Variants in SPAG4 observed in about 807,000 individuals in gnomAD.
SPAG4 encodes sperm-associated antigen 4 protein.
SPAG4 carries 54 observed loss-of-function variants against 53.9 expected under a neutral mutation model. That is an observed-to-expected ratio of 1.00 (90% confidence interval 0.80 to 1.26). The LOEUF (loss-of-function observed/expected upper bound fraction) is 1.26, where lower values mean the gene tolerates loss of function less well. Among genes scored for constraint, SPAG4 ranks in the 50% most tolerant of loss-of-function variants. The probability of loss-of-function intolerance (pLI) is 0.00; values close to 1 mark genes in which losing one functional copy is unlikely to be tolerated. For missense variants in SPAG4, 548 were observed against 568.6 expected (o/e 0.96, Z 0.37); for synonymous variants, 246 against 237.4 (o/e 1.04, Z -0.33).
At position 35,616,047 on chromosome 20, in the gene SPAG4, A is replaced by G. The variant is rs897575743; in HGVS notation, c.44A>G (p.Lys15Arg). ...SRPGSASSSR[K>R]HTPNFFSENS... The stretch of plus-strand genomic sequence containing the variant: ...CCGGGCTCGGCCTCGTCCTCGCGCA[A>G]GCACACGCCCAACTTTTTCAGCGAG... The change falls in exon 1 of 12, where the codon AAG (lysine) becomes AGG (arginine). Residue 15 changes from lysine to arginine, a missense_variant. By Grantham distance (26) the Lys-to-Arg change is conservative. Coordinates refer to ENST00000374273, the MANE Select transcript of SPAG4 (RefSeq NM_003116.3). The G allele has an allele frequency of 1.9e-6, 3 of 1,612,080 alleles. No homozygotes were observed. The highest frequency in any genetic ancestry group is 3.3e-5 in the Admixed American group (2 of 59,978).
Position 35,619,577 on chromosome 20 carries a change from A to C in SPAG4, c.910-2A>C, listed in dbSNP as rs2031506576. The C allele has an allele frequency of 6.2e-7, 1 of 1,611,742 alleles. No homozygotes were observed. The stretch of plus-strand genomic sequence containing the variant: ...TCCGATGGTCCCTCCGCCCGCCTGC[A>C]GCCCCACGTGTTCCCTGGGAATTGC... On this transcript the variant is annotated splice_acceptor_variant, in intron 9 of 11. Coordinates refer to ENST00000374273, the MANE Select transcript of SPAG4 (RefSeq NM_003116.3). LOFTEE classifies it high-confidence loss of function.
chr20:35,617,606 G>A lies in SPAG4; in HGVS notation c.476+20G>A. The A allele has an allele frequency of 6.2e-7, 1 of 1,608,974 alleles. No individual in the cohort carries two copies. The highest frequency in any genetic ancestry group is 2.2e-5 in the East Asian group (1 of 44,774). ...GTACAGGTCAGAGGAAGGGACGCTG[G>A]CGCCCCAGGAACAGCTCTTTGGAGG... On this transcript the variant is annotated intron_variant, in intron 3 of 11. Transcript: ENST00000374273.
intron 3 of SPAG4, 60 bp from the exon 4 acceptor site, chr20:35,617,719 C>T (rs920777994): frequency 5.1e-5 from 81 of 1,582,014 alleles, no homozygotes; most frequent in Non-Finnish European, 6.6e-5. Flanking sequence ...GTCTAGGACC[C>T]TGGGGTGGGG....
At chr20:35,616,748 G>C (rs2031398730) in intron 1 of SPAG4, 1 of 228,592 alleles carries the variant, frequency 4.4e-6, no homozygotes, top group African/African-American at 2.3e-5. Flanking sequence ...TCCCGCCTCA[G>C]CCTCCCGAGT....
intron 9 of SPAG4, 54 bp downstream of exon 9, chr20:35,619,364 A>G: frequency 6.5e-7 from 1 of 1,538,398 alleles, no homozygotes; most frequent in Non-Finnish European, 9.0e-7. Context: ...TGGGAAAAGC[A>G]CCAAAACCCC....
intron 5 of SPAG4, 75 bp downstream of exon 5, chr20:35,618,205 T>A: frequency 6.9e-7 from 1 of 1,448,340 alleles, no homozygotes; most frequent in South Asian, 1.2e-5. Context: ...TCCCCTGGAC[T>A]GTCGGTCTGC....
In SPAG4 at chr20:35,615,897, C is replaced by T. The variant is rs2031353189; in HGVS notation, c.-107C>T. ...GGCCGCGGGGCCTGCCGACTTCACGCAGGGTCCGTGGGGTCCCCGCGGCGC... is the reference window on the plus strand; with the variant it reads ...GGCCGCGGGGCCTGCCGACTTCACGTAGGGTCCGTGGGGTCCCCGCGGCGC... On this transcript the variant is annotated 5_prime_UTR_variant, in exon 1 of 12. Coordinates refer to ENST00000374273, the MANE Select transcript of SPAG4 (RefSeq NM_003116.3). 8.9e-7 allele frequency: 1 copy of T among 1,119,492 alleles called. No individual in the cohort carries two copies. The highest frequency in any genetic ancestry group is 1.2e-6 in the Non-Finnish European group (1 of 809,780). 69.3% of individuals were successfully genotyped at this position (1,119,492 alleles called of 1,614,324 possible). A position where few individuals can be genotyped will look rare whatever the true frequency, so the allele number is the denominator to read the frequency against.
In SPAG4 at chr20:35,620,524, C is replaced by T. The variant is rs886092255; in HGVS notation, c.1078-160C>T. 3.3e-5 allele frequency: 19 copies of T among 583,016 alleles called. No individual in the cohort carries two copies. In the African/African-American group the frequency reaches 3.4e-4, roughly 10 times the overall value. 36.1% of individuals were successfully genotyped at this position (583,016 alleles called of 1,614,324 possible). ...ATAAATAAAACCTGGTTTCTTAGAG[C>T]CCACATTCTGAATTACAGTGTACGA... On this transcript the variant is annotated intron_variant, in intron 10 of 11. Transcript: ENST00000374273.
At chr20:35,617,319 C>G (rs978694936) in intron 2 of SPAG4, 79 bp downstream of exon 2, 1 of 1,104,562 alleles carries the variant, frequency 9.1e-7, no homozygotes, top group Non-Finnish European at 1.3e-6. Context: ...GAGCCCCCGG[C>G]CCCCGTTTGA....
At position 35,619,281 on chromosome 20, in the gene SPAG4, T is replaced by C. The variant is rs370722278; in HGVS notation, c.880T>C (p.Tyr294His). Residue 294 changes from tyrosine (Y) to histidine (H), a missense_variant, in exon 9 of 12, where the codon TAC becomes CAC. By Grantham distance (83) the Tyr-to-His change is moderately conservative (BLOSUM62 2). Coordinates refer to ENST00000374273, the MANE Select transcript of SPAG4 (RefSeq NM_003116.3). ...CTGGAATCGCTTCAGCTTCTGGAAC[T>C]ACGCACGGCCGCCCACGGTTATCCT... ...YFWNRFSFWN[Y>H]ARPPTVILEP... 2.5e-6 allele frequency: 4 copies of C among 1,613,932 alleles called. No individual in the cohort carries two copies. The highest frequency in any genetic ancestry group is 3.4e-6 in the Non-Finnish European group (4 of 1,179,972).
At position 35,616,274 on chromosome 20, in the gene SPAG4, T is replaced by G; in HGVS notation, c.271T>G (p.Cys91Gly). The G allele has an allele frequency of 6.7e-7, 1 of 1,483,194 alleles. No individual in the cohort carries two copies. 91.9% of individuals were successfully genotyped at this position (1,483,194 alleles called of 1,614,324 possible). A position where few individuals can be genotyped will look rare whatever the true frequency, so the allele number is the denominator to read the frequency against. Residue 91 changes from cysteine (C) to glycine (G), a missense_variant, in exon 1 of 12, where the codon TGT (cysteine) becomes GGT (glycine). Cys to Gly is a radical substitution (Grantham distance 159). Transcript: ENST00000374273. ...APRSHNWQTACGAATVRGGAS... is the reference protein window; with the variant it reads ...APRSHNWQTAGGAATVRGGAS... Reference sequence around the variant, plus strand: ...TCGGAGCCACAACTGGCAGACAGCCTGTGGCGCGGCAACCGTGAGGGGCGG... The same window carrying G: ...TCGGAGCCACAACTGGCAGACAGCCGGTGGCGCGGCAACCGTGAGGGGCGG...
In SPAG4 at chr20:35,619,185, A is replaced by T; in HGVS notation, c.794-10A>T. 1 of 1,592,894 alleles carries T rather than the reference A, an allele frequency of 6.3e-7. No homozygotes were observed. The highest frequency in any genetic ancestry group is 2.3e-5 in the East Asian group (1 of 44,222). ...TGGGAGCCTCTGAGGGTTACTTCTC[A>T]CTGTTCCAGGAGCCTCCATCGACCT... On this transcript the variant is annotated splice_polypyrimidine_tract_variant and intron_variant, in intron 8 of 11. Transcript: ENST00000374273.
rs764437864 is a variant in SPAG4 at position 35,618,644 on chromosome 20, A to G, written c.641A>G (p.Gln214Arg). The G allele has an allele frequency of 1.3e-6, 2 of 1,597,950 alleles. No homozygotes were observed. Among genetic ancestry groups the G allele is most frequent in the East Asian group, 4.5e-5 (2 of 44,468 alleles). ...EYHERVRSQG[Q>R]QLQQLQAELD... ...CACGAGCGCGTGCGCTCCCAGGGGCAGCAGCTGCAGCAGCTCCAGGCCGAG... is the reference window on the plus strand; with the variant it reads ...CACGAGCGCGTGCGCTCCCAGGGGCGGCAGCTGCAGCAGCTCCAGGCCGAG... The change falls in exon 7 of 12, where the codon CAG becomes CGG. Residue 214 changes from glutamine (Q) to arginine (R), a missense_variant. Transcript: ENST00000374273.
Position 35,621,071 on chromosome 20 carries a change from T to A in SPAG4, c.*49T>A. The A allele has an allele frequency of 6.3e-7, 1 of 1,593,320 alleles. No individual in the cohort carries two copies. Among genetic ancestry groups the A allele is most frequent in the Non-Finnish European group, 8.6e-7 (1 of 1,163,320 alleles). ...TTGAGTTCTGCTGAAGGATACTGGA[T>A]CAGTGCTTTCGGGGGCTCTGTTGGG... On this transcript the variant is annotated 3_prime_UTR_variant, in exon 12 of 12. Coordinates refer to ENST00000374273, the MANE Select transcript of SPAG4 (RefSeq NM_003116.3).
rs751668418 is a variant in SPAG4 at position 35,620,554 on chromosome 20, C to A, written c.1078-130C>A. On this transcript the variant is annotated intron_variant, in intron 10 of 11. Transcript: ENST00000374273. Reference sequence around the variant, plus strand: ...ATTCTGAATTACAGTGTACGACCATCAAAAAATACATGAGAACATGCATAT... The same window carrying A: ...ATTCTGAATTACAGTGTACGACCATAAAAAAATACATGAGAACATGCATAT... The A allele has an allele frequency of 1.1e-4, 73 of 662,154 alleles. 1 individual carries two copies. Among genetic ancestry groups the A allele is most frequent in the South Asian group, 1.6e-4 (9 of 57,618 alleles). The allele number at this position is 662,154 out of a possible 1,614,324, so 41.0% of individuals were successfully genotyped here.
chr20:35,616,943 T>C (rs1601404046), intron 1 of SPAG4, 193 bp from the exon 2 acceptor site: 1 of 582,230 alleles, frequency 1.7e-6, no homozygotes, highest in Admixed American at 3.0e-5. Context: ...AGACCAACTC[T>C]TGACGGAGCC....
At position 35,619,642 on chromosome 20, in the gene SPAG4, C is replaced by A; in HGVS notation, c.973C>A (p.Leu325Met). ...EGDQGQVVIQ[L>M]PGRVQLSDIT... ...CGACCAAGGCCAGGTGGTGATCCAA[C>A]TGCCGGGCCGAGTGCAGCTGAGCGA... is the stretch of plus-strand genomic sequence containing the variant. The change falls in exon 10 of 12, where the codon CTG becomes ATG. Residue 325 changes from leucine (L) to methionine (M), a missense_variant. By Grantham distance (15) the Leu-to-Met change is conservative. Coordinates refer to ENST00000374273, the MANE Select transcript of SPAG4 (RefSeq NM_003116.3). The A allele has an allele frequency of 6.2e-7, 1 of 1,614,058 alleles. No homozygotes were observed. Among genetic ancestry groups the A allele is most frequent in the Non-Finnish European group, 8.5e-7 (1 of 1,180,016 alleles).
chr20:35,621,038 G>A lies in SPAG4; in HGVS notation c.*16G>A. The A allele has an allele frequency of 6.2e-7, 1 of 1,610,910 alleles. No homozygotes were observed. Among genetic ancestry groups the A allele is most frequent in the Non-Finnish European group, 8.5e-7 (1 of 1,177,310 alleles). On this transcript the variant is annotated 3_prime_UTR_variant, in exon 12 of 12. Transcript: ENST00000374273. ...GCCCCATTAAACATGCTGATTTTTG[G>A]AGTAGAATTGAGTTCTGCTGAAGGA...
rs1218174183 is a variant in SPAG4 at position 35,618,716 on chromosome 20, G to A, written c.713G>A (p.Ser238Asn). The A allele has an allele frequency of 1.3e-6, 2 of 1,579,130 alleles. No individual in the cohort carries two copies. Among genetic ancestry groups the A allele is most frequent in the Admixed American group, 1.8e-5 (1 of 56,044 alleles). The change falls in exon 7 of 12, where the codon AGC becomes AAC. Residue 238 changes from serine to asparagine, a missense_variant. Ser to Asn is a conservative substitution (Grantham distance 46). Transcript: ENST00000374273. ...GTGTCCACTGTTCGGGCAGCCAACA[G>A]CGAGGTGAGCCCCGGCCCACCTTGG... ...KEVSTVRAAN[S>N]ERVAKLVFQR...
Sources: gnomAD v4.1 joint callset for allele counts on GRCh38, gnomAD v4.1.1 for gene constraint, MANE v1.5 for transcripts, NCBI Gene and HGNC (gene_info 2026-07-23, HGNC 2026-07-21) for gene names.